Variants in NAALADL2 observed in about 807,000 individuals in gnomAD.
NAALADL2 encodes N-acetylated alpha-linked acidic dipeptidase like 2.
NAALADL2 carries 76 observed loss-of-function variants against 87.2 expected under a neutral mutation model. The observed-to-expected ratio is 0.87, with a 90% CI of 0.72 to 1.05. The LOEUF (loss-of-function observed/expected upper bound fraction) is 1.05. Among genes scored for constraint, NAALADL2 ranks in the 50% least tolerant of loss-of-function variants. The pLI is 0.00. For missense variants in NAALADL2, 1,089 were observed against 945.8 expected (o/e 1.15, Z -1.99); for synonymous variants, 354 against 331.0 (o/e 1.07, Z -0.75).
intron 10 of NAALADL2, among the ~76,000 whole-genome samples, chr3:175,600,663 G>T (rs184223964): frequency 9.0e-5 from 13 of 145,028 alleles, no homozygotes; most frequent in African/African-American, 3.3e-4. Context: ...TCAGCCTCCC[G>T]AGTAGCTGGG....
intron 1 of NAALADL2, chr3:175,059,517 C>A (rs79399517): frequency 0.012 from 3,073 of 250,310 alleles, 107 homozygotes; most frequent in African/African-American, 0.066. Context: ...TTAGAGGAGC[C>A]CTAGACTAAG....
intron 4 of NAALADL2, among the ~76,000 whole-genome samples, chr3:175,301,114 T>A (rs1757032552): frequency 6.6e-6 from 1 of 152,130 alleles, no homozygotes; most frequent in Non-Finnish European, 1.5e-5. Context: ...TTTGCTCTGA[T>A]CTTAGTTATG....
At position 174,985,839 on chromosome 3, in the gene NAALADL2, C is replaced by T. The variant is rs574271499; in HGVS notation, c.44-110951C>T. On this transcript the variant is annotated intron_variant, in intron 1 of 13. Coordinates refer to ENST00000454872, the MANE Select transcript of NAALADL2 (RefSeq NM_207015.3). ...TGGTGGTGCATGCCTGTAATCCCAGCGACTTGGGAGGCTGGGGCAGGAGAA... is the reference window on the plus strand; with the variant it reads ...TGGTGGTGCATGCCTGTAATCCCAGTGACTTGGGAGGCTGGGGCAGGAGAA... Among the ~76,000 whole-genome samples, 21 of 151,994 alleles carry T rather than the reference C, an allele frequency of 1.4e-4. No homozygotes were observed. In the East Asian group the frequency reaches 1.6e-3, roughly 11 times the overall value.
chr3:175,524,937 T>C (rs1259524949), intron 9 of NAALADL2, among the ~76,000 whole-genome samples: 2 of 152,062 alleles, frequency 1.3e-5, no homozygotes, highest in African/African-American at 4.8e-5. Context: ...ATACTAACTC[T>C]TATAACAGGA....
intron 5 of NAALADL2, among the ~76,000 whole-genome samples, chr3:175,394,059 AT>A (rs569432867): frequency 2.4e-4 from 36 of 152,318 alleles, no homozygotes; most frequent in Admixed American, 2.0e-3. Context: ...TTTCTAAGGC[AT>A]TTTTGAAGAA....
chr3:174,450,890 A>G lies in NAALADL2; in HGVS notation c.-184+9858A>G, dbSNP rs868635280. Among the ~76,000 whole-genome samples the G allele has an allele frequency of 2.8e-3, 421 of 150,054 alleles. 3 individuals carry two copies. Among genetic ancestry groups the G allele is most frequent in the Admixed American group, 4.1e-3 (61 of 14,960 alleles). On this transcript the variant is annotated intron_variant, in intron 1 of 3. Coordinates refer to the NAALADL2 transcript ENST00000434257. ...GTCTCAAAAAAAAAAAAAAAAAAAA[A>G]AAAGAAAGAAAGAAAAAGACTGGGA... is the stretch of plus-strand genomic sequence containing the variant.
At chr3:174,988,195 ACT>A (rs1746239264) in intron 1 of NAALADL2, among the ~76,000 whole-genome samples, 1 of 151,980 alleles carries the variant, frequency 6.6e-6, no homozygotes. Flanking sequence ...GCCACAAGAA[ACT>A]CTGTGGTATA....
upstream of NAALADL2, among the ~76,000 whole-genome samples, chr3:174,858,574 T>C (rs1579234084): frequency 6.6e-6 from 1 of 152,182 alleles, no homozygotes; most frequent in South Asian, 2.1e-4. Flanking sequence ...TTTTCAGGTC[T>C]CTCAGTTAAT....
At chr3:175,485,343 T>C (rs1727092669) in intron 9 of NAALADL2, among the ~76,000 whole-genome samples, 1 of 152,054 alleles carries the variant, frequency 6.6e-6, no homozygotes, top group Non-Finnish European at 1.5e-5. Context: ...ACAAAACTAA[T>C]AGGATATACA....
Position 175,576,166 on chromosome 3 carries a change from C to T in NAALADL2, c.1779C>T (p.Tyr593=), listed in dbSNP as rs368948927. The part of the protein sequence containing the change: ...HLGVPIVQFA[Y]EDIKTLEGPS... Reference sequence around the variant, plus strand: ...GAGTTCCCATCGTGCAGTTTGCTTACGAGGACATCAAAACATTAGAGGTGA... The same window carrying T: ...GAGTTCCCATCGTGCAGTTTGCTTATGAGGACATCAAAACATTAGAGGTGA... The change falls in exon 10 of 14, where the codon TAC becomes TAT. Residue 593 remains tyrosine (Y), a synonymous_variant. Coordinates refer to ENST00000454872, the MANE Select transcript of NAALADL2 (RefSeq NM_207015.3). 2.8e-5 allele frequency: 45 copies of T among 1,613,394 alleles called. No homozygotes were observed. The African/African-American group carries it at 2.9e-4, about 11-fold the overall frequency.
intron 2 of NAALADL2, among the ~76,000 whole-genome samples, chr3:175,171,286 G>A (rs1320255530): frequency 6.6e-6 from 1 of 151,966 alleles, no homozygotes; most frequent in African/African-American, 2.4e-5. Flanking sequence ...GAGACTGCAG[G>A]GTAGAGAGGA....
At chr3:174,749,515 A>C (rs1052148728) in intron 3 of NAALADL2, among the ~76,000 whole-genome samples, 7 of 151,896 alleles carry the variant, frequency 4.6e-5, no homozygotes, top group African/African-American at 1.5e-4. Context: ...AAAAAAAAAA[A>C]ACAGCAAAAA....
At chr3:175,633,152 C>T (rs538023431) in intron 11 of NAALADL2, among the ~76,000 whole-genome samples, 87 of 152,160 alleles carry the variant, frequency 5.7e-4, no homozygotes, top group African/African-American at 2.1e-3. Context: ...AAAGAGTATT[C>T]ACCCAATCAA....
Position 175,806,304 on chromosome 3 carries a change from T to C in NAALADL2, c.*3101T>C, listed in dbSNP as rs550758307. 8 of 151,794 alleles carry C rather than the reference T, an allele frequency of 5.3e-5. No individual in the cohort carries two copies. Among genetic ancestry groups the C allele is most frequent in the Admixed American group, 1.3e-4 (2 of 15,198 alleles). The allele number at this position is 151,794 out of a possible 1,614,324, so 9.4% of individuals were successfully genotyped here. Reference sequence around the variant, plus strand: ...ACACCAGAAGTCAGGAAGAAGGACATTGAGCAAAATATATCTGTAAGAGGG... The same window carrying C: ...ACACCAGAAGTCAGGAAGAAGGACACTGAGCAAAATATATCTGTAAGAGGG... On this transcript the variant is annotated 3_prime_UTR_variant, in exon 14 of 14. Coordinates refer to ENST00000454872, the MANE Select transcript of NAALADL2 (RefSeq NM_207015.3).
chr3:175,338,620 C>A (rs1044402382), intron 5 of NAALADL2, among the ~76,000 whole-genome samples: 10 of 46,120 alleles, frequency 2.2e-4, no homozygotes, highest in Admixed American at 6.0e-4. Flanking sequence ...AAAAACACCA[C>A]AAACACACAC....
At chr3:174,994,656 G>A (rs1297322897) in intron 1 of NAALADL2, among the ~76,000 whole-genome samples, 3 of 148,918 alleles carry the variant, frequency 2.0e-5, no homozygotes, top group East Asian at 4.4e-4. Context: ...AGAGCAATAT[G>A]TAAGAGAATA....
intron 4 of NAALADL2, among the ~76,000 whole-genome samples, chr3:175,272,171 C>G (rs1752939602): frequency 6.6e-6 from 1 of 152,198 alleles, no homozygotes; most frequent in South Asian, 2.1e-4. Flanking sequence ...CATCGATGGA[C>G]TAATTCAATT....
chr3:175,275,448 C>T (rs1439155483), intron 4 of NAALADL2, among the ~76,000 whole-genome samples: 2 of 142,806 alleles, frequency 1.4e-5, no homozygotes, highest in Non-Finnish European at 3.1e-5. Flanking sequence ...CATTTATACA[C>T]ATCTGGACCA....
intron 9 of NAALADL2, among the ~76,000 whole-genome samples, chr3:175,547,753 C>A (rs1257109885): frequency 2.0e-5 from 3 of 151,934 alleles, no homozygotes; most frequent in African/African-American, 4.8e-5. Context: ...AGGTCACAGA[C>A]ACTTTTCAAA....
Sources: gnomAD v4.1 joint callset for allele counts (sites outside exome capture counted in the v4.1 genomes callset) on GRCh38, gnomAD v4.1.1 for gene constraint, MANE v1.5 for transcripts, NCBI Gene and HGNC (gene_info 2026-07-23, HGNC 2026-07-21) for gene names.